The following SEMA3A variants were observed in gnomAD, a reference collection of about 807,000 sequenced individuals.
SEMA3A encodes semaphorin-3A.
A neutral mutation model predicts 97.9 loss-of-function variants in SEMA3A; 29 were observed. The observed-to-expected ratio is 0.30, with a 90% CI of 0.22 to 0.40. The LOEUF (loss-of-function observed/expected upper bound fraction) is 0.40, where lower values mean the gene tolerates loss of function less well. Among genes scored for constraint, SEMA3A ranks in the 10% least tolerant of loss-of-function variants. The pLI is 1.00. For synonymous variants in SEMA3A, 321 were observed against 323.7 expected (o/e 0.99, Z 0.09); for missense variants, 763 against 951.3 (o/e 0.80, Z 2.60).
At chr7:84,125,659 G>A (rs1344095550) in intron 3 of SEMA3A, among the ~76,000 whole-genome samples, 1 of 152,150 alleles carries the variant, frequency 6.6e-6, no homozygotes, top group African/African-American at 2.4e-5. Flanking sequence ...CTACATCTGG[G>A]CTAACCGCAA....
chr7:84,391,621 C>T (rs77098723), intron 1 of SEMA3A, among the ~76,000 whole-genome samples: 4 of 152,016 alleles, frequency 2.6e-5, no homozygotes, highest in African/African-American at 9.7e-5. Context: ...GATATGTGCT[C>T]TTAATAGCAT....
chr7:84,083,450 T>C (rs1291387829), intron 4 of SEMA3A, among the ~76,000 whole-genome samples: 1 of 151,914 alleles, frequency 6.6e-6, no homozygotes, highest in Non-Finnish European at 1.5e-5. Context: ...GTGTGTGTGT[T>C]AGGAACACTC....
chr7:84,059,981 T>C (rs576909904), intron 5 of SEMA3A, among the ~76,000 whole-genome samples: 44 of 152,258 alleles, frequency 2.9e-4, no homozygotes, highest in African/African-American at 9.9e-4. Flanking sequence ...ATTCCCCACT[T>C]ATCAGCAATG....
intron 1 of SEMA3A, among the ~76,000 whole-genome samples, chr7:84,141,776 A>G (rs1205974152): frequency 6.6e-6 from 1 of 152,158 alleles, no homozygotes; most frequent in Non-Finnish European, 1.5e-5. Context: ...TATAACTGAG[A>G]ACATGCAGTA....
intron 2 of SEMA3A, among the ~76,000 whole-genome samples, chr7:84,353,352 A>G (rs1802480115): frequency 6.6e-6 from 1 of 151,628 alleles, no homozygotes; most frequent in African/African-American, 2.4e-5. Flanking sequence ...ATGTATACCC[A>G]TACACACACA....
intron 1 of SEMA3A, among the ~76,000 whole-genome samples, chr7:84,376,110 G>A (rs749998264): frequency 2.2e-4 from 34 of 152,092 alleles, no homozygotes; most frequent in Non-Finnish European, 3.2e-4. Context: ...TGAACGCTTG[G>A]GCTGATTCCA....
At chr7:84,452,692 T>A (rs1805589193) in intron 1 of SEMA3A, among the ~76,000 whole-genome samples, 1 of 152,230 alleles carries the variant, frequency 6.6e-6, no homozygotes. Flanking sequence ...CTATGTATTT[T>A]GCCACAGGCA....
intron 1 of SEMA3A, among the ~76,000 whole-genome samples, chr7:84,416,272 A>T (rs549478765): frequency 2.0e-5 from 3 of 152,186 alleles, no homozygotes; most frequent in Non-Finnish European, 4.4e-5. Flanking sequence ...GGGTGTATCG[A>T]GGATTTCCAC....
intron 5 of SEMA3A, among the ~76,000 whole-genome samples, chr7:84,054,497 G>A (rs905015888): frequency 6.9e-4 from 105 of 151,890 alleles, no homozygotes; most frequent in African/African-American, 2.3e-3. Context: ...TGATCGCATC[G>A]GCTCCTGAGA....
intron 1 of SEMA3A, among the ~76,000 whole-genome samples, chr7:84,184,130 A>G (rs1425711142): frequency 1.3e-5 from 2 of 152,168 alleles, no homozygotes; most frequent in African/African-American, 2.4e-5. Context: ...ATGAACCACA[A>G]ATGGGCAAAG....
intron 3 of SEMA3A, among the ~76,000 whole-genome samples, chr7:84,274,225 T>G (rs1345693779): frequency 6.6e-6 from 1 of 151,518 alleles, no homozygotes; most frequent in Non-Finnish European, 1.5e-5. Context: ...ACTTTGTGGT[T>G]TGCAAAGGGG....
chr7:84,084,159 G>A (rs1229734902), intron 4 of SEMA3A, among the ~76,000 whole-genome samples: 1 of 151,970 alleles, frequency 6.6e-6, no homozygotes, highest in African/African-American at 2.4e-5. Context: ...GTTTAATATG[G>A]AAGAACCATT....
chr7:83,982,914 A>G (rs1789475567), intron 13 of SEMA3A, among the ~76,000 whole-genome samples: 1 of 151,958 alleles, frequency 6.6e-6, no homozygotes, highest in South Asian at 2.1e-4. Context: ...ACTAACTTAT[A>G]CCTTATTACA....
At chr7:84,327,577 G>T (rs1437210035) in intron 2 of SEMA3A, among the ~76,000 whole-genome samples, 1 of 151,714 alleles carries the variant, frequency 6.6e-6, no homozygotes, top group East Asian at 1.9e-4. Context: ...AATTATTCTT[G>T]ATTTTTATAA....
At chr7:84,022,613 G>C (rs1386250252) in intron 6 of SEMA3A, among the ~76,000 whole-genome samples, 1 of 152,124 alleles carries the variant, frequency 6.6e-6, no homozygotes, top group East Asian at 1.9e-4. Context: ...TTTGAAATTT[G>C]AAAAGATTTC....
chr7:83,988,999 G>C (rs939620492), intron 12 of SEMA3A, among the ~76,000 whole-genome samples: 1 of 151,300 alleles, frequency 6.6e-6, no homozygotes, highest in Non-Finnish European at 1.5e-5. Context: ...ATTTAGGTTT[G>C]TACAATATTG....
intron 6 of SEMA3A, among the ~76,000 whole-genome samples, chr7:84,023,817 T>C (rs2116446315): frequency 6.6e-6 from 1 of 152,140 alleles, no homozygotes; most frequent in Non-Finnish European, 1.5e-5. Context: ...GAGACCATCC[T>C]GGCTAACACG....
At chr7:84,041,366 T>C (rs980844146) in intron 6 of SEMA3A, among the ~76,000 whole-genome samples, 6 of 152,144 alleles carry the variant, frequency 3.9e-5, no homozygotes, top group African/African-American at 1.4e-4. Flanking sequence ...GTAGAATAAT[T>C]TCATGGTGTA....
intron 3 of SEMA3A, among the ~76,000 whole-genome samples, chr7:84,208,316 G>T (rs1310096529): frequency 2.6e-5 from 4 of 151,986 alleles, no homozygotes; most frequent in Admixed American, 6.5e-5. Flanking sequence ...GCTGGGTGTG[G>T]TGGCGGGCGC....
Sources: gnomAD v4.1 joint callset for allele counts (sites outside exome capture counted in the v4.1 genomes callset) on GRCh38, gnomAD v4.1.1 for gene constraint, MANE v1.5 for transcripts, NCBI Gene and HGNC (gene_info 2026-07-23, HGNC 2026-07-21) for gene names.